Variants in PTPDC1 observed in about 807,000 individuals in gnomAD.
PTPDC1 encodes the protein protein tyrosine phosphatase domain containing 1, also known as protein tyrosine phosphatase domain-containing protein 1.
PTPDC1 carries 53 observed loss-of-function variants against 75.3 expected under a neutral mutation model. The observed-to-expected ratio is 0.70, with a 90% CI of 0.56 to 0.88. The LOEUF (loss-of-function observed/expected upper bound fraction) is 0.88. Ranked by LOEUF, PTPDC1 falls within the 40% of genes least tolerant of loss-of-function variation. The pLI, the probability that PTPDC1 is intolerant of heterozygous loss-of-function variation, is 0.00. For synonymous variants in PTPDC1, 349 were observed against 366.2 expected (o/e 0.95, Z 0.54); for missense variants, 925 against 998.6 (o/e 0.93, Z 0.99).
At chr9:94,061,774 C>A (rs958257836) in intron 1 of PTPDC1, among the ~76,000 whole-genome samples, 1 of 152,222 alleles carries the variant, frequency 6.6e-6, no homozygotes, top group Admixed American at 6.5e-5. Flanking sequence ...GGCAGCAGGG[C>A]CCTGGGCATA....
rs1234632404 is a variant in PTPDC1, at chr9:94,045,798, T to A, written c.-7+14671T>A. Among the ~76,000 whole-genome samples the A allele has an allele frequency of 2.3e-3, 347 of 151,456 alleles. 2 individuals are homozygous for A. The highest frequency in any genetic ancestry group is 8.0e-3 in the African/African-American group (332 of 41,550). On this transcript the variant is annotated intron_variant, in intron 1 of 9. Transcript: ENST00000375360. ...ATTTTCTCCCATTCTGTAGGTTGCC[T>A]GTTCACTCTGATGGTAGTTTCTTTT...
At chr9:94,072,724 C>T (rs1826555297) in intron 2 of PTPDC1, among the ~76,000 whole-genome samples, 1 of 152,142 alleles carries the variant, frequency 6.6e-6, no homozygotes, top group East Asian at 1.9e-4. Context: ...GAGTTTTTAT[C>T]ATGAGTCAGT....
Position 94,101,760 on chromosome 9 carries a change from G to A in PTPDC1, c.2199+9G>A. The A allele has an allele frequency of 6.3e-7, 1 of 1,589,672 alleles. No individual in the cohort carries two copies. The highest frequency in any genetic ancestry group is 1.1e-5 in the South Asian group (1 of 89,332). ...TTTTTTTATTAGAGAAGGTAAAGTG[G>A]CTGTAGGACCAGTTAATGACTGTAA... On this transcript the variant is annotated intron_variant, in intron 7 of 8. Coordinates refer to ENST00000620992, the MANE Select transcript of PTPDC1 (RefSeq NM_001253829.2).
chr9:94,099,169 G>A (rs1827743109), intron 6 of PTPDC1, among the ~76,000 whole-genome samples: 2 of 152,100 alleles, frequency 1.3e-5, no homozygotes, highest in African/African-American at 4.8e-5. Flanking sequence ...GAGGTCTTTG[G>A]GGTCCATTTC....
chr9:94,056,718 T>G (rs1274551641), intron 1 of PTPDC1, among the ~76,000 whole-genome samples: 1 of 152,222 alleles, frequency 6.6e-6, no homozygotes, highest in Middle Eastern at 3.2e-3. Flanking sequence ...TCTCAGAACC[T>G]AGTCTCTTGT....
At chr9:94,092,213 G>A (rs1324365401) in intron 4 of PTPDC1, among the ~76,000 whole-genome samples, 6 of 149,018 alleles carry the variant, frequency 4.0e-5, no homozygotes, top group African/African-American at 1.5e-4. Flanking sequence ...TTTCTCTTGT[G>A]GGCATTTAGT....
chr9:94,031,861 T>C (rs944833275), intron 1 of PTPDC1, among the ~76,000 whole-genome samples: 3 of 152,220 alleles, frequency 2.0e-5, no homozygotes, highest in African/African-American at 4.8e-5. Context: ...GCGATAGTTA[T>C]GTATGTGGAA....
At chr9:94,080,943 A>G (rs1826856697), upstream of PTPDC1, among the ~76,000 whole-genome samples, 1 of 151,868 alleles carries the variant, frequency 6.6e-6, no homozygotes. Flanking sequence ...CATTTCTGCA[A>G]GTTACTCTAA....
chr9:94,104,480 A>AACATACACAT, intron 8 of PTPDC1, 95 bp downstream of exon 8: 1 of 742,576 alleles, frequency 1.3e-6, no homozygotes, highest in Non-Finnish European at 2.3e-6. Flanking sequence ...TCTAAAATAA[A>AACATACACAT]ACATGTATGT....
At chr9:94,049,120 C>T (rs1303037629) in intron 1 of PTPDC1, among the ~76,000 whole-genome samples, 3 of 152,146 alleles carry the variant, frequency 2.0e-5, no homozygotes, top group African/African-American at 7.2e-5. Context: ...GATGGGTTTC[C>T]TGAATACAGC....
intron 1 of PTPDC1, among the ~76,000 whole-genome samples, chr9:94,037,146 T>C (rs1825296818): frequency 6.6e-6 from 1 of 152,236 alleles, no homozygotes; most frequent in Non-Finnish European, 1.5e-5. Context: ...GTTACTTTTA[T>C]ACCTTATAAA....
intron 2 of PTPDC1, among the ~76,000 whole-genome samples, chr9:94,075,465 C>CA (rs1206858026): frequency 1.3e-5 from 2 of 152,100 alleles, no homozygotes; most frequent in Non-Finnish European, 2.9e-5. Context: ...TGGGTATTGC[C>CA]AAAAATATAT....
In PTPDC1 at chr9:94,055,990, G is replaced by GT. The variant is rs200239318; in HGVS notation, c.-6-8743dup. Reference sequence around the variant, plus strand: ...CTTTGGGTGATAATTATGTGTCAGCGTAAGTTGATTATAACAAACTTACCA... The same window carrying GT: ...CTTTGGGTGATAATTATGTGTCAGCGTTAAGTTGATTATAACAAACTTACCA... On this transcript the variant is annotated intron_variant, in intron 1 of 9. Coordinates refer to the PTPDC1 transcript ENST00000375360. 3.5e-3 allele frequency among the ~76,000 whole-genome samples: 530 copies of GT among 152,248 alleles called. 7 individuals carry two copies. Among genetic ancestry groups the GT allele is most frequent in the East Asian group, 5.8e-3 (30 of 5,174 alleles).
At chr9:94,085,027 C>T (rs182656790) in intron 1 of PTPDC1, among the ~76,000 whole-genome samples, 7 of 152,248 alleles carry the variant, frequency 4.6e-5, no homozygotes, top group Admixed American at 2.6e-4. Flanking sequence ...GTTTCTTCCT[C>T]CTAATTGCCA....
At chr9:94,098,791 T>C (rs1005196976) in intron 6 of PTPDC1, 4 of 573,352 alleles carry the variant, frequency 7.0e-6, no homozygotes, top group Non-Finnish European at 1.2e-5. Flanking sequence ...ATCTGCATAC[T>C]CAAGAAAGCA....
chr9:94,076,872 T>A (rs1826711918), intron 2 of PTPDC1, among the ~76,000 whole-genome samples: 1 of 152,306 alleles, frequency 6.6e-6, no homozygotes, highest in East Asian at 1.9e-4. Context: ...ATTGTAGCCA[T>A]CCTAGTAGGT....
intron 7 of PTPDC1, among the ~76,000 whole-genome samples, chr9:94,101,973 C>T (rs1434137651): frequency 6.6e-5 from 10 of 152,170 alleles, no homozygotes. Flanking sequence ...GGGAGAGGCA[C>T]TGCAAACATT....
intron 2 of PTPDC1, 149 bp from the exon 3 acceptor site, chr9:94,087,682 T>C: frequency 1.6e-6 from 1 of 636,492 alleles, no homozygotes; most frequent in Non-Finnish European, 2.8e-6. Context: ...CTGTATTATC[T>C]GTTCAAATAA....
intron 2 of PTPDC1, among the ~76,000 whole-genome samples, chr9:94,072,883 G>A (rs1013592784): frequency 6.6e-6 from 1 of 152,064 alleles, no homozygotes; most frequent in African/African-American, 2.4e-5. Context: ...TTTGGTAGTG[G>A]TGTATAATTC....
Sources: gnomAD v4.1 joint callset for allele counts (sites outside exome capture counted in the v4.1 genomes callset) on GRCh38, gnomAD v4.1.1 for gene constraint, MANE v1.5 for transcripts, NCBI Gene and HGNC (gene_info 2026-07-23, HGNC 2026-07-21) for gene names.